HFE: variants seen among roughly 807,000 people sequenced by gnomAD.
The protein encoded by HFE is homeostatic iron regulator.
In HFE, 36 loss-of-function variants were observed where a neutral mutation model predicts 40.9. The observed-to-expected ratio is 0.88, with a 90% CI of 0.67 to 1.16. The LOEUF is 1.16. HFE is among the 50% of genes most tolerant of loss of function. The pLI, the probability that HFE is intolerant of heterozygous loss-of-function variation, is 0.00. For missense variants in HFE, 376 were observed against 432.0 expected (o/e 0.87, Z 1.15); for synonymous variants, 157 against 165.4 (o/e 0.95, Z 0.39).
chr6:26,094,846 G>A lies in HFE; in HGVS notation c.*620G>A, dbSNP rs993200520. On this transcript the variant is annotated 3_prime_UTR_variant, in exon 6 of 6. Coordinates refer to ENST00000357618, the MANE Select transcript of HFE (RefSeq NM_000410.4). ...CACCTGTCCCAGAAAAAGCATCATG[G>A]CTATCTGTGGGTAGTATGATGGGTG... is the stretch of plus-strand genomic sequence containing the variant. 1 of 200,992 alleles carries A rather than the reference G, an allele frequency of 5.0e-6. No individual in the cohort carries two copies. Among genetic ancestry groups the A allele is most frequent in the African/African-American group, 2.3e-5 (1 of 42,752 alleles). The allele number at this position is 200,992 out of a possible 1,614,324, so 12.5% of individuals were successfully genotyped here. A position where few individuals can be genotyped will look rare whatever the true frequency, so the allele number is the denominator to read the frequency against.
rs999289975 is a variant in HFE, at chr6:26,087,463, C to T, written c.23C>T (p.Ala8Val). 6 of 1,613,950 alleles carry T rather than the reference C, an allele frequency of 3.7e-6. No homozygotes were observed. Among genetic ancestry groups the T allele is most frequent in the Non-Finnish European group, 5.1e-6 (6 of 1,180,002 alleles). Residue 8 changes from alanine to valine, a missense_variant, in exon 1 of 6, where the codon GCG becomes GTG. Around this residue, in one of 3 missense-constraint regions of HFE, gnomAD observed 200 missense variants for 228.5 expected, o/e 0.88. Coordinates refer to ENST00000357618, the MANE Select transcript of HFE (RefSeq NM_000410.4). ...GAAATGGGCCCGCGAGCCAGGCCGGCGCTTCTCCTCCTGATGCTTTTGCAG... is the reference window on the plus strand; with the variant it reads ...GAAATGGGCCCGCGAGCCAGGCCGGTGCTTCTCCTCCTGATGCTTTTGCAG... MGPRARP[A>V]LLLLMLLQTA...
Position 26,090,892 on chromosome 6 carries a change from G to T in HFE, c.128G>T (p.Gly43Val). The T allele has an allele frequency of 6.2e-7, 1 of 1,614,118 alleles. No homozygotes were observed. ...ATGGGTGCCTCAGAGCAGGACCTTG[G>T]TCTTTCCTTGTTTGAAGCTTTGGGC... The part of the protein sequence containing the change: ...LFMGASEQDL[G>V]LSLFEALGYV... The change falls in exon 2 of 6, where the codon GGT becomes GTT. Residue 43 changes from glycine (G) to valine (V), a missense_variant. By Grantham distance (109) the Gly-to-Val change is moderately radical. This residue lies in a region of HFE where 200 missense variants were observed against 228.5 expected (regional missense o/e 0.88). Transcript: ENST00000357618.
chr6:26,089,106 T>TGGGGG (rs576461485), intron 1 of HFE, among the ~76,000 whole-genome samples: 1 of 5,860 alleles, frequency 1.7e-4, no homozygotes, highest in African/African-American at 5.4e-4. Flanking sequence ...TGTGTGTGTG[T>TGGGGG]GTGGGGGGGG....
chr6:26,092,606 T>C (rs747242600), intron 3 of HFE, 79 bp from the exon 4 acceptor site: 13 of 1,613,322 alleles, frequency 8.1e-6, no homozygotes, highest in African/African-American at 2.7e-5. Context: ...CTCCAACCTA[T>C]AGAAGGAAGT....
rs749701561 is a variant in HFE at position 26,091,084 on chromosome 6, A to G, written c.320A>G (p.Glu107Gly). Residue 107 changes from glutamate to glycine, a missense_variant, in exon 2 of 6, where the codon GAA (glutamate) becomes GGA (glycine). Around this residue, in one of 3 missense-constraint regions of HFE, gnomAD observed 200 missense variants for 228.5 expected, o/e 0.88. Transcript: ENST00000357618. ...ACTGTTGACTTCTGGACTATTATGG[A>G]AAATCACAACCACAGCAAGGGTATG... ...MFTVDFWTIM[E>G]NHNHSKESHT... is the part of the protein sequence containing the mutation. The G allele has an allele frequency of 3.1e-6, 5 of 1,614,142 alleles. 1 individual carries two copies. The Admixed American group carries it at 8.3e-5, about 27-fold the overall frequency.
chr6:26,089,718 G>A (rs1458926265), intron 1 of HFE, among the ~76,000 whole-genome samples: 1 of 152,124 alleles, frequency 6.6e-6, no homozygotes, highest in Non-Finnish European at 1.5e-5. Context: ...CCTGAGCTCA[G>A]GAGTTCAAGA....
rs1440249672 is a variant in HFE, at chr6:26,096,617, C to G, written c.*2391C>G. On this transcript the variant is annotated 3_prime_UTR_variant, in exon 6 of 6. Coordinates refer to ENST00000357618, the MANE Select transcript of HFE (RefSeq NM_000410.4). ...TTTTAGCAAAGATATCTCATCTCTT[C>G]TTTTAAACCATTTTCTTTTTTTGTG... 2.2e-6 allele frequency: 1 copy of G among 452,096 alleles called. No individual in the cohort carries two copies. The highest frequency in any genetic ancestry group is 4.4e-6 in the Non-Finnish European group (1 of 225,980). The allele number at this position is 452,096 out of a possible 1,614,324, so 28.0% of individuals were successfully genotyped here.
At position 26,090,981 on chromosome 6, in the gene HFE, C is replaced by A. The variant is rs1450662478; in HGVS notation, c.217C>A (p.Pro73Thr). Residue 73 changes from proline (P) to threonine (T), a missense_variant, in exon 2 of 6, where the codon CCA becomes ACA. This residue lies in a region of HFE where 200 missense variants were observed against 228.5 expected (regional missense o/e 0.88). Coordinates refer to ENST00000357618, the MANE Select transcript of HFE (RefSeq NM_000410.4). Reference protein sequence around the residue: ...HESRRVEPRTPWVSSRISSQM... With the variant: ...HESRRVEPRTTWVSSRISSQM... ...GAGTCGCCGTGTGGAGCCCCGAACT[C>A]CATGGGTTTCCAGTAGAATTTCAAG... 1 of 1,614,192 alleles carries A rather than the reference C, an allele frequency of 6.2e-7. No homozygotes were observed. The highest frequency in any genetic ancestry group is 8.5e-7 in the Non-Finnish European group (1 of 1,180,034).
rs1015274719 is a variant in HFE at position 26,092,822 on chromosome 6, G to A, written c.754G>A (p.Glu252Lys). 6.8e-6 allele frequency: 11 copies of A among 1,614,188 alleles called. No homozygotes were observed. The highest frequency in any genetic ancestry group is 3.3e-5 in the Admixed American group (2 of 60,030). Reference protein sequence around the residue: ...DKQPMDAKEFEPKDVLPNGDG... With the variant: ...DKQPMDAKEFKPKDVLPNGDG... Reference sequence around the variant, plus strand: ...GCAGCCAATGGATGCCAAGGAGTTCGAACCTAAAGACGTATTGCCCAATGG... The same window carrying A: ...GCAGCCAATGGATGCCAAGGAGTTCAAACCTAAAGACGTATTGCCCAATGG... Residue 252 changes from glutamate (E) to lysine (K), a missense_variant, in exon 4 of 6, where the codon GAA becomes AAA. Coordinates refer to ENST00000357618, the MANE Select transcript of HFE (RefSeq NM_000410.4).
rs915098169 is a variant in HFE, at chr6:26,093,138, C to T, written c.912C>T (p.Thr304=). The T allele has an allele frequency of 6.2e-7, 1 of 1,613,936 alleles. No homozygotes were observed. Among genetic ancestry groups the T allele is most frequent in the Admixed American group, 1.7e-5 (1 of 60,002 alleles). ...IVIWEPSPSG[T]LVIGVISGIA... is the part of the protein sequence containing the mutation. ...TTTTAGAGCCCTCACCGTCTGGCACCCTAGTCATTGGAGTCATCAGTGGAA... is the reference window on the plus strand; with the variant it reads ...TTTTAGAGCCCTCACCGTCTGGCACTCTAGTCATTGGAGTCATCAGTGGAA... The change falls in exon 5 of 6, where the codon ACC becomes ACT. Residue 304 remains threonine, a synonymous_variant. Transcript: ENST00000357618.
intron 1 of HFE, among the ~76,000 whole-genome samples, chr6:26,089,707 T>A (rs1365896671): frequency 2.6e-5 from 4 of 152,052 alleles, no homozygotes; most frequent in African/African-American, 9.7e-5. Context: ...GAGAGCAGAT[T>A]CCTGAGCTCA....
chr6:26,095,364 C>T lies in HFE; in HGVS notation c.*1138C>T, dbSNP rs1023680409. The T allele has an allele frequency of 7.2e-5, 11 of 152,158 alleles. No homozygotes were observed. Among genetic ancestry groups the T allele is most frequent in the African/African-American group, 2.7e-4 (11 of 41,394 alleles). 9.4% of individuals were successfully genotyped at this position (152,158 alleles called of 1,614,324 possible). ...ATTAGCTGGGCGTGGTGGCAGACGC[C>T]TGTAGTCCCAGCTACTCGGAAGGCT... On this transcript the variant is annotated 3_prime_UTR_variant, in exon 6 of 6. Coordinates refer to ENST00000357618, the MANE Select transcript of HFE (RefSeq NM_000410.4).
chr6:26,089,110 G>GC (rs1256813604), intron 1 of HFE, among the ~76,000 whole-genome samples: 3 of 45,690 alleles, frequency 6.6e-5, no homozygotes, highest in African/African-American at 2.0e-4. Context: ...TGTGTGTGTG[G>GC]GGGGGGGGGG....
In HFE at chr6:26,091,388, G is replaced by A. The variant is rs745423589; in HGVS notation, c.415G>A (p.Gly139Arg). 6 of 1,614,020 alleles carry A rather than the reference G, an allele frequency of 3.7e-6. No individual in the cohort carries two copies. The South Asian group carries it at 4.4e-5, about 12-fold the overall frequency. The change falls in exon 3 of 6, where the codon GGG (glycine) becomes AGG (arginine). Residue 139 changes from glycine to arginine, a missense_variant. Physicochemically the swap from Gly to Arg is moderately radical, Grantham distance 125. Transcript: ENST00000357618. ...DNSTEGYWKY[G>R]YDGQDHLEFC... ...CAGTACCGAGGGCTACTGGAAGTAC[G>A]GGTATGATGGGCAGGACCACCTTGA...
Position 26,092,849 on chromosome 6 carries a change from GA to G in HFE, c.782del (p.Asp261ValfsTer8). The G allele has an allele frequency of 6.2e-7, 1 of 1,614,234 alleles. No individual in the cohort carries two copies. The highest frequency in any genetic ancestry group is 8.5e-7 in the Non-Finnish European group (1 of 1,180,034). ...ACCTAAAGACGTATTGCCCAATGGG[GA>G]TGGGACCTACCAGGGCTGGATAACC... is the stretch of plus-strand genomic sequence containing the variant. Reference protein sequence around the residue: ...FEPKDVLPNGDGTYQGWITLA... With the variant: ...FEPKDVLPNGXGTYQGWITLA... On this transcript the variant is annotated frameshift_variant, in exon 4 of 6. Transcript: ENST00000357618. LOFTEE classifies it high-confidence loss of function.
chr6:26,095,574 G>A lies in HFE; in HGVS notation c.*1348G>A, dbSNP rs1186684035. On this transcript the variant is annotated 3_prime_UTR_variant, in exon 6 of 6. Coordinates refer to ENST00000357618, the MANE Select transcript of HFE (RefSeq NM_000410.4). ...TCATAGTTTGTCAGTGATAGAAACA[G>A]GTTTCAAACTCAGTCAATCTGACCG... 2 of 151,898 alleles carry A rather than the reference G, an allele frequency of 1.3e-5. No individual in the cohort carries two copies. Among genetic ancestry groups the A allele is most frequent in the Non-Finnish European group, 2.9e-5 (2 of 68,000 alleles). 9.4% of individuals were successfully genotyped at this position (151,898 alleles called of 1,614,324 possible). A position where few individuals can be genotyped will look rare whatever the true frequency, so the allele number is the denominator to read the frequency against.
In HFE at chr6:26,092,849, G is replaced by T. The variant is rs746034358; in HGVS notation, c.781G>T (p.Asp261Tyr). ...FEPKDVLPNG[D>Y]GTYQGWITLA... ...ACCTAAAGACGTATTGCCCAATGGG[G>T]ATGGGACCTACCAGGGCTGGATAAC... The change falls in exon 4 of 6, where the codon GAT (aspartate) becomes TAT (tyrosine). Residue 261 changes from aspartate (D) to tyrosine (Y), a missense_variant. Physicochemically the swap from Asp to Tyr is radical, Grantham distance 160. This residue lies in a region of HFE where 173 missense variants were observed against 186.9 expected (regional missense o/e 0.93). Transcript: ENST00000357618. 6.2e-7 allele frequency: 1 copy of T among 1,614,234 alleles called. No homozygotes were observed. Among genetic ancestry groups the T allele is most frequent in the Non-Finnish European group, 8.5e-7 (1 of 1,180,034 alleles).
chr6:26,092,128 C>T (rs560943005), intron 3 of HFE, among the ~76,000 whole-genome samples: 3 of 143,634 alleles, frequency 2.1e-5, no homozygotes, highest in Non-Finnish European at 3.0e-5. Context: ...GAGCCAAGAT[C>T]GCGCCACTGC....
rs1462638515 is a variant in HFE at position 26,096,436 on chromosome 6, C to T, written c.*2210C>T. The stretch of plus-strand genomic sequence containing the variant: ...GGTGTGAGCCACCCTGCCCAGCCGT[C>T]AAAAGAGTCTTAATATATATATCCA... On this transcript the variant is annotated 3_prime_UTR_variant, in exon 6 of 6. Transcript: ENST00000357618. The T allele has an allele frequency of 2.2e-6, 1 of 455,594 alleles. No individual in the cohort carries two copies. Among genetic ancestry groups the T allele is most frequent in the African/African-American group, 2.0e-5 (1 of 50,004 alleles). The allele number at this position is 455,594 out of a possible 1,614,324, so 28.2% of individuals were successfully genotyped here.
Sources: allele counts gnomAD v4.1 joint callset (sites outside exome capture counted in the v4.1 genomes callset), GRCh38; gene constraint gnomAD v4.1.1; regional missense constraint gnomAD v4.1.1; transcripts MANE v1.5; gene names NCBI Gene and HGNC (gene_info 2026-07-23, HGNC 2026-07-21).